NES: variants seen among roughly 807,000 people sequenced by gnomAD.
NES encodes nestin.
A neutral mutation model predicts 35.6 loss-of-function variants in NES; 27 were observed. The observed-to-expected ratio is 0.76, with a 90% CI of 0.56 to 1.04. The LOEUF (loss-of-function observed/expected upper bound fraction) is 1.04, where lower values mean the gene tolerates loss of function less well. NES is among the 50% of genes least tolerant of loss of function. The pLI is 0.00. For missense variants in NES, 1,867 were observed against 1,983.6 expected, an observed-to-expected ratio of 0.94 and a Z score of 1.12; for synonymous variants, 822 against 824.2, an observed-to-expected ratio of 1.00 and a Z score of 0.04.
At position 156,669,156 on chromosome 1, in the gene NES, C is replaced by T; in HGVS notation, c.*166G>A. 1 of 498,204 alleles carries T rather than the reference C, an allele frequency of 2.0e-6. No homozygotes were observed. The highest frequency in any genetic ancestry group is 3.5e-6 in the Non-Finnish European group (1 of 287,312). 30.9% of individuals were successfully genotyped at this position (498,204 alleles called of 1,614,324 possible). The stretch of plus-strand genomic sequence containing the variant: ...CAGCCTCCATTCTTGGAGTAGGCTC[C>T]TTTGCCACACCCCTTTTCACCTTAG... On this transcript the variant is annotated 3_prime_UTR_variant, in exon 4 of 4. Transcript: ENST00000368223.
Position 156,669,421 on chromosome 1 carries a change from G to C in NES, c.4767C>G (p.Thr1589=). ...FQEEEGSALK[T]SWAGAPVHLG... is the part of the protein sequence containing the mutation. ...GGTGAACAGGAGCCCCTGCCCAAGA[G>C]GTCTTCAGAGCACTCCCCTCCTCCT... The change falls in exon 4 of 4, where the codon ACC becomes ACG. Residue 1589 remains threonine (T), a synonymous_variant. Coordinates refer to ENST00000368223, the MANE Select transcript of NES (RefSeq NM_006617.2). The C allele has an allele frequency of 1.2e-6, 2 of 1,613,574 alleles. No individual in the cohort carries two copies. Among genetic ancestry groups the C allele is most frequent in the Non-Finnish European group, 1.7e-6 (2 of 1,179,680 alleles).
Position 156,669,306 on chromosome 1 carries a change from G to T in NES, c.*16C>A. The T allele has an allele frequency of 1.3e-6, 2 of 1,524,026 alleles. No individual in the cohort carries two copies. Among genetic ancestry groups the T allele is most frequent in the Non-Finnish European group, 8.9e-7 (1 of 1,129,748 alleles). 94.4% of individuals were successfully genotyped at this position (1,524,026 alleles called of 1,614,324 possible). A position where few individuals can be genotyped will look rare whatever the true frequency, so the allele number is the denominator to read the frequency against. On this transcript the variant is annotated 3_prime_UTR_variant, in exon 4 of 4. Coordinates refer to ENST00000368223, the MANE Select transcript of NES (RefSeq NM_006617.2). ...CCGCACCCCTAAGTCCCCAGTGCCG[G>T]GCAGATGGTCTTTTCCTAGTCCTCC... is the stretch of plus-strand genomic sequence containing the variant.
rs756502951 is a variant in NES, at chr1:156,671,419, C to T, written c.2769G>A (p.Leu923=). 3 of 1,613,916 alleles carry T rather than the reference C, an allele frequency of 1.9e-6. No individual in the cohort carries two copies. The highest frequency in any genetic ancestry group is 2.5e-6 in the Non-Finnish European group (3 of 1,180,048). The stretch of plus-strand genomic sequence containing the variant: ...GTGACTCTTGGTACTCTCCCTTTCC[C>T]AGGTTCTCTTCCTCTTCCAGATTCC... ...SQRNLEEEEN[L]GKGEYQESLR... is the part of the protein sequence containing the mutation. The change falls in exon 4 of 4, where the codon CTG becomes CTA. Residue 923 remains leucine (L), a synonymous_variant. Coordinates refer to ENST00000368223, the MANE Select transcript of NES (RefSeq NM_006617.2).
rs1647337782 is a variant in NES, at chr1:156,677,318, A to G, written c.-54T>C. On this transcript the variant is annotated 5_prime_UTR_variant, in exon 1 of 4. Coordinates refer to ENST00000368223, the MANE Select transcript of NES (RefSeq NM_006617.2). The surrounding 1 kb of genome is among the most constrained non-coding windows in gnomAD (Gnocchi z 4.5). The stretch of plus-strand genomic sequence containing the variant: ...CAGACGCGGGGCACCGGGAGAAGGG[A>G]GCGGCTCGCAGAGCTTTTAGGACGG... The G allele has an allele frequency of 4.8e-6, 6 of 1,254,200 alleles. No homozygotes were observed. The highest frequency in any genetic ancestry group is 5.3e-6 in the Non-Finnish European group (5 of 945,500). The allele number at this position is 1,254,200 out of a possible 1,614,324, so 77.7% of individuals were successfully genotyped here.
Position 156,669,474 on chromosome 1 carries a change from C to T in NES, c.4714G>A (p.Glu1572Lys), listed in dbSNP as rs1679651421. ...TGAAAGGGGCTCCCTCGGTCTCCCTCAGAGACTAGCGGCATTCCTTGCCCC... is the reference window on the plus strand; with the variant it reads ...TGAAAGGGGCTCCCTCGGTCTCCCTTAGAGACTAGCGGCATTCCTTGCCCC... The part of the protein sequence containing the change: ...EVGQGMPLVS[E>K]GDRGSPFQEE... Residue 1572 changes from glutamate to lysine, a missense_variant, in exon 4 of 4, where the codon GAG becomes AAG. By Grantham distance (56) the Glu-to-Lys change is moderately conservative. Coordinates refer to ENST00000368223, the MANE Select transcript of NES (RefSeq NM_006617.2). The T allele has an allele frequency of 5.6e-6, 9 of 1,613,708 alleles. No individual in the cohort carries two copies. The highest frequency in any genetic ancestry group is 7.6e-6 in the Non-Finnish European group (9 of 1,179,808).
At chr1:156,675,075 G>T in intron 2 of NES, 141 bp downstream of exon 2, 1 of 1,073,274 alleles carries the variant, frequency 9.3e-7, no homozygotes, top group Non-Finnish European at 1.4e-6. Context: ...TTCCGGTGTG[G>T]AAGTGACCAG....
In NES at chr1:156,670,219, A is replaced by G; in HGVS notation, c.3969T>C (p.Pro1323=). Residue 1323 remains proline, a synonymous_variant, in exon 4 of 4, where the codon CCT becomes CCC. Coordinates refer to ENST00000368223, the MANE Select transcript of NES (RefSeq NM_006617.2). ...WDPTGEQRPP[P]QGETGKEGWD... is the part of the protein sequence containing the mutation. ...AGCCCTCCTTTCCAGTCTCCCCTTG[A>G]GGGGGTGGCCTCTGCTCTCCAGTGG... The G allele has an allele frequency of 6.2e-7, 1 of 1,613,814 alleles. No homozygotes were observed. Among genetic ancestry groups the G allele is most frequent in the Non-Finnish European group, 8.5e-7 (1 of 1,179,896 alleles).
chr1:156,675,464 G>T, intron 1 of NES, 124 bp from the exon 2 acceptor site: 1 of 1,141,268 alleles, frequency 8.8e-7, no homozygotes, highest in Non-Finnish European at 1.2e-6. Context: ...TATCTGTGTA[G>T]CAGACCCCCG....
Position 156,669,745 on chromosome 1 carries a change from G to T in NES, c.4443C>A (p.Pro1481=). The T allele has an allele frequency of 6.2e-7, 1 of 1,613,894 alleles. No homozygotes were observed. Among genetic ancestry groups the T allele is most frequent in the African/African-American group, 1.3e-5 (1 of 74,992 alleles). ...GGGACTCCGTTTCCAGGGCAGTCTT[G>T]GGGGCACCAGCCACTGCACCCCTCA... ...DSLRGAVAGA[P]KTALETESQD... is the part of the protein sequence containing the mutation. Residue 1481 remains proline (P), a synonymous_variant, in exon 4 of 4, where the codon CCC becomes CCA. Coordinates refer to ENST00000368223, the MANE Select transcript of NES (RefSeq NM_006617.2).
chr1:156,670,141 C>G lies in NES; in HGVS notation c.4047G>C (p.Lys1349Asn). ...CCTCTTCTCCCTCCTCCCCCTCCTC[C>G]TTTTCTGAGGGTGGGGCCTCAAGGC... ...SEGLEAPPSE[K>N]EEGEEGEEEC... Residue 1349 changes from lysine (K) to asparagine (N), a missense_variant, in exon 4 of 4, where the codon AAG (lysine) becomes AAC (asparagine). By Grantham distance (94) the Lys-to-Asn change is moderately conservative (BLOSUM62 0). Transcript: ENST00000368223. The G allele has an allele frequency of 6.2e-7, 1 of 1,614,058 alleles. No homozygotes were observed. Among genetic ancestry groups the G allele is most frequent in the East Asian group, 2.2e-5 (1 of 44,878 alleles).
chr1:156,675,826 C>T (rs540224548), intron 1 of NES, among the ~76,000 whole-genome samples: 24 of 152,308 alleles, frequency 1.6e-4, no homozygotes, highest in Admixed American at 9.1e-4. Context: ...CTCTCACCCC[C>T]GCCCCACCCC....
rs1571461639 is a variant in NES at position 156,669,867 on chromosome 1, A to G, written c.4321T>C (p.Ser1441Pro). ...AGGGCCTGGAGGCTGCCAACAGAAG[A>G]CCCTGGCCCCCACCGCCCAGCCCCT... ...EPGAGRWGPGSSVGSLQALSS... is the reference protein window; with the variant it reads ...EPGAGRWGPGPSVGSLQALSS... The change falls in exon 4 of 4, where the codon TCT becomes CCT. Residue 1441 changes from serine to proline, a missense_variant. Transcript: ENST00000368223. The G allele has an allele frequency of 6.2e-7, 1 of 1,612,258 alleles. No homozygotes were observed. The highest frequency in any genetic ancestry group is 1.3e-5 in the African/African-American group (1 of 74,320).
At chr1:156,673,270 C>T (rs1679774789) in intron 3 of NES, 65 bp from the exon 4 acceptor site, 2 of 1,368,650 alleles carry the variant, frequency 1.5e-6, no homozygotes, top group Non-Finnish European at 2.0e-6. Flanking sequence ...AGCCACAGAG[C>T]AGCCACCGCT....
rs780851506 is a variant in NES at position 156,669,679 on chromosome 1, G to A, written c.4509C>T (p.Asp1503=). The A allele has an allele frequency of 3.7e-6, 6 of 1,613,870 alleles. No homozygotes were observed. In the Admixed American group the frequency reaches 5.0e-5, roughly 13 times the overall value. ...TGTCCTCCCTCTCCAAGGAAACAGG[G>A]TCAGACTCTTCCTCTGAGCCAGAAG... ...AEPSGSEEES[D]PVSLEREDKV... Residue 1503 remains aspartate, a synonymous_variant, in exon 4 of 4, where the codon GAC becomes GAT. Coordinates refer to ENST00000368223, the MANE Select transcript of NES (RefSeq NM_006617.2).
At position 156,672,069 on chromosome 1, in the gene NES, T is replaced by A; in HGVS notation, c.2119A>T (p.Asn707Tyr). ...QEPLRSLEDE[N>Y]KEAFRSLEKE... ...TCTAGAGATCTAAAGGCCTCTTTGT[T>A]CTCATCTTCAAGAGACCTCAGGGGT... is the stretch of plus-strand genomic sequence containing the variant. Residue 707 changes from asparagine to tyrosine, a missense_variant, in exon 4 of 4, where the codon AAC (asparagine) becomes TAC (tyrosine). Coordinates refer to ENST00000368223, the MANE Select transcript of NES (RefSeq NM_006617.2). 1 of 1,612,992 alleles carries A rather than the reference T, an allele frequency of 6.2e-7. No individual in the cohort carries two copies. The highest frequency in any genetic ancestry group is 8.5e-7 in the Non-Finnish European group (1 of 1,179,858).
At position 156,672,138 on chromosome 1, in the gene NES, C is replaced by G; in HGVS notation, c.2050G>C (p.Gly684Arg). 2 of 1,611,892 alleles carry G rather than the reference C, an allele frequency of 1.2e-6. No individual in the cohort carries two copies. Among genetic ancestry groups the G allele is most frequent in the Non-Finnish European group, 1.7e-6 (2 of 1,179,542 alleles). ...AGAGGTCTCAGTGCCTCCTCATCCC[C>G]TACTTCTGGAGATCTCAGTGGCTCT... ...NQEPLRSPEVGDEEALRPLTK... is the reference protein window; with the variant it reads ...NQEPLRSPEVRDEEALRPLTK... The change falls in exon 4 of 4, where the codon GGG becomes CGG. Residue 684 changes from glycine (G) to arginine (R), a missense_variant. By Grantham distance (125) the Gly-to-Arg change is moderately radical (BLOSUM62 -2). Coordinates refer to ENST00000368223, the MANE Select transcript of NES (RefSeq NM_006617.2).
rs764301261 is a variant in NES at position 156,672,299 on chromosome 1, T to G, written c.1889A>C (p.Lys630Thr). Residue 630 changes from lysine (K) to threonine (T), a missense_variant, in exon 4 of 4, where the codon AAG (lysine) becomes ACG (threonine). Coordinates refer to ENST00000368223, the MANE Select transcript of NES (RefSeq NM_006617.2). ...EDTQTLQSLQ[K>T]ENQELMKSLE... is the part of the protein sequence containing the mutation. ...AGATTTCATTAGTTCTTGATTCTCC[T>G]TTTGCAGGGATTGCAATGTCTGTGT... 6.2e-7 allele frequency: 1 copy of G among 1,604,958 alleles called. No homozygotes were observed. The highest frequency in any genetic ancestry group is 8.5e-7 in the Non-Finnish European group (1 of 1,177,586).
intron 2 of NES, 92 bp from the exon 3 acceptor site, chr1:156,673,619 C>T (rs1464784323): frequency 9.6e-6 from 8 of 829,966 alleles, no homozygotes; most frequent in South Asian, 1.8e-5. Context: ...TGAGCTTGCA[C>T]CATCCAGGCC....
rs776094858 is a variant in NES at position 156,670,981 on chromosome 1, A to G, written c.3207T>C (p.Asp1069=). 1.6e-5 allele frequency: 25 copies of G among 1,609,910 alleles called. No homozygotes were observed. Among genetic ancestry groups the G allele is most frequent in the South Asian group, 6.6e-5 (6 of 90,822 alleles). Residue 1069 remains aspartate, a synonymous_variant, in exon 4 of 4, where the codon GAT becomes GAC. Coordinates refer to ENST00000368223, the MANE Select transcript of NES (RefSeq NM_006617.2). The part of the protein sequence containing the change: ...LPEAIEPLVE[D]DVAPGGDQAS... ...CTTGGTCACCCCCTGGGGCCACATC[A>G]TCTTCCACCAGGGGCTCTATCGCCT... is the stretch of plus-strand genomic sequence containing the variant.
Sources: allele counts gnomAD v4.1 joint callset (sites outside exome capture counted in the v4.1 genomes callset), GRCh38; gene constraint gnomAD v4.1.1; non-coding constraint Gnocchi (gnomAD v3.1); transcripts MANE v1.5; gene names NCBI Gene and HGNC (gene_info 2026-07-23, HGNC 2026-07-21).